NAV2: variants seen among roughly 807,000 people sequenced by gnomAD.
NAV2 encodes the protein neuron navigator 2, also known as helicase, APC down-regulated 1.
NAV2 carries 54 observed loss-of-function variants against 223.2 expected under a neutral mutation model. The ratio of observed to expected loss-of-function variants is 0.24; its 90% CI spans 0.19 to 0.30. The LOEUF is 0.30. NAV2 is among the 10% of genes least tolerant of loss of function. The pLI, the probability that NAV2 is intolerant of heterozygous loss-of-function variation, is 1.00. For missense variants in NAV2, 2,806 were observed against 3,147.5 expected (o/e 0.89, Z 2.60); for synonymous variants, 1,279 against 1,239.3 (o/e 1.03, Z -0.67).
At position 19,933,945 on chromosome 11, in the gene NAV2, A is replaced by T; in HGVS notation, c.1701A>T (p.Pro567=). 6.3e-7 allele frequency: 1 copy of T among 1,595,888 alleles called. No homozygotes were observed. The highest frequency in any genetic ancestry group is 8.5e-7 in the Non-Finnish European group (1 of 1,173,026). Residue 567 remains proline (P), a synonymous_variant, in exon 7 of 38, where the codon CCA becomes CCT. Coordinates refer to ENST00000349880, the MANE Select transcript of NAV2 (RefSeq NM_145117.5). This position sits in a 1 kb window ranked among gnomAD's most constrained non-coding sequence, Gnocchi z 4.3. ...MAPSHSGIPK[P]GMKSMPGKSP... ...CTTCCCACAGTGGAATACCAAAACC[A>T]GGAATGAAAAGCATGCCCGGGAAAT...
chr11:19,713,909 G>C lies in NAV2; in HGVS notation c.214G>C (p.Glu72Gln). ...VLQGLQEPAG[E>Q]GLPLRKSGSV... ...GCAGGGGCTGCAGGAGCCAGCGGGGGAGGGGCTCCCGCTGCGGAAGAGCGG... is the reference window on the plus strand; with the variant it reads ...GCAGGGGCTGCAGGAGCCAGCGGGGCAGGGGCTCCCGCTGCGGAAGAGCGG... The change falls in exon 1 of 38, where the codon GAG becomes CAG. Residue 72 changes from glutamate (E) to glutamine (Q), a missense_variant. Around this residue, in one of 4 missense-constraint regions of NAV2, gnomAD observed 1,167 missense variants for 1,180.5 expected, o/e 0.99. Transcript: ENST00000349880. The surrounding 1 kb of genome is among the most constrained non-coding windows in gnomAD (Gnocchi z 7.2). 6.2e-7 allele frequency: 1 copy of C among 1,613,654 alleles called. No homozygotes were observed. Among genetic ancestry groups the C allele is most frequent in the Non-Finnish European group, 8.5e-7 (1 of 1,179,996 alleles).
chr11:20,038,977 G>C (rs186434446), intron 12 of NAV2, among the ~76,000 whole-genome samples: 3 of 152,300 alleles, frequency 2.0e-5, no homozygotes, highest in Admixed American at 6.5e-5. Flanking sequence ...GCTATCACTG[G>C]GGACATTGAG....
rs149247036 is a variant in NAV2, at chr11:19,695,249, A to C, written c.76-137235A>C. Among the ~76,000 whole-genome samples the C allele has an allele frequency of 1.4e-3, 220 of 152,356 alleles. 1 individual carries two copies. Among genetic ancestry groups the C allele is most frequent in the African/African-American group, 5.1e-3 (213 of 41,592 alleles). On this transcript the variant is annotated intron_variant, in intron 1 of 37. Coordinates refer to the NAV2 transcript ENST00000360655. Reference sequence around the variant, plus strand: ...GGTCCAAAACATGACATAGTGGGAAAGATACAGACTTTGGAGTCTGCAATC... The same window carrying C: ...GGTCCAAAACATGACATAGTGGGAACGATACAGACTTTGGAGTCTGCAATC...
chr11:20,073,447 C>A (rs756375824), intron 22 of NAV2, among the ~76,000 whole-genome samples: 1 of 152,214 alleles, frequency 6.6e-6, no homozygotes, highest in Non-Finnish European at 1.5e-5. Flanking sequence ...ATGCTGGCCT[C>A]ATAAAATGAG....
chr11:19,469,365 G>A (rs1016617983), intron 1 of NAV2, among the ~76,000 whole-genome samples: 2 of 152,226 alleles, frequency 1.3e-5, no homozygotes, highest in Non-Finnish European at 2.9e-5. Context: ...GTGGAGAATA[G>A]CAAGGGGCTT....
rs549618111 is a variant in NAV2 at position 19,758,631 on chromosome 11, G to C, written c.267+44669G>C. Among the ~76,000 whole-genome samples the C allele has an allele frequency of 2.0e-5, 3 of 152,370 alleles. 1 individual carries two copies. Among genetic ancestry groups the C allele is most frequent in the African/African-American group, 7.2e-5 (3 of 41,594 alleles). On this transcript the variant is annotated intron_variant, in intron 1 of 37. Transcript: ENST00000349880. ...AGCTGAGCTGGTGGGCAGCCCCAGT[G>C]GTGGGTGAACTGAGCAGGTTGCAGG... is the stretch of plus-strand genomic sequence containing the variant.
At chr11:20,042,511 C>A (rs1039793925) in intron 12 of NAV2, among the ~76,000 whole-genome samples, 2 of 151,868 alleles carry the variant, frequency 1.3e-5, no homozygotes, top group Admixed American at 6.6e-5. Context: ...TGGAAAAAAA[C>A]AAATGAAAGA....
At chr11:19,583,390 C>T (rs1483672073) in intron 1 of NAV2, among the ~76,000 whole-genome samples, 17 of 152,112 alleles carry the variant, frequency 1.1e-4, no homozygotes, top group Admixed American at 1.1e-3. Context: ...GCCTGATTGC[C>T]CTGGCCAGAA....
At chr11:20,089,556 C>T (rs1204163233) in intron 26 of NAV2, among the ~76,000 whole-genome samples, 1 of 152,112 alleles carries the variant, frequency 6.6e-6, no homozygotes, top group African/African-American at 2.4e-5. Context: ...AGACCACATG[C>T]TCATCATCTC....
intron 11 of NAV2, among the ~76,000 whole-genome samples, chr11:20,004,636 G>T (rs182962491): frequency 1.3e-5 from 2 of 152,280 alleles, no homozygotes; most frequent in Admixed American, 1.3e-4. Flanking sequence ...CTCCCTCCCA[G>T]TGCCTTAGTG....
chr11:19,677,580 T>G (rs1444413376), intron 1 of NAV2, among the ~76,000 whole-genome samples: 1 of 152,226 alleles, frequency 6.6e-6, no homozygotes, highest in African/African-American at 2.4e-5. Flanking sequence ...TCCTAAAAAT[T>G]ATCTGTCCCA....
intron 11 of NAV2, among the ~76,000 whole-genome samples, chr11:20,026,532 G>C (rs983641316): frequency 6.6e-6 from 1 of 152,048 alleles, no homozygotes; most frequent in Admixed American, 6.6e-5. Flanking sequence ...GGATGGTCTC[G>C]ATCTCCTGAC....
At chr11:19,542,830 C>T (rs768942772) in intron 1 of NAV2, among the ~76,000 whole-genome samples, 44 of 152,308 alleles carry the variant, frequency 2.9e-4, no homozygotes, top group African/African-American at 4.8e-4. Context: ...CCAGGAGGTC[C>T]GCCTGACTCA....
Position 19,741,685 on chromosome 11 carries a change from GTGTA to G in NAV2, c.267+27725_267+27728del, listed in dbSNP as rs1458289264. On this transcript the variant is annotated intron_variant, in intron 1 of 37. Coordinates refer to ENST00000349880, the MANE Select transcript of NAV2 (RefSeq NM_145117.5). ...GTGTATGTATGTATCATGTGTGTGT[GTGTA>G]TATATATATATATATATATATATAT... 7.3e-3 allele frequency among the ~76,000 whole-genome samples: 961 copies of G among 131,356 alleles called. 6 individuals carry two copies. Among genetic ancestry groups the G allele is most frequent in the African/African-American group, 0.029 (899 of 31,260 alleles). 86.2% of individuals were successfully genotyped at this position (131,356 alleles called of 152,430 possible). A position where few individuals can be genotyped will look rare whatever the true frequency, so the allele number is the denominator to read the frequency against.
intron 1 of NAV2, among the ~76,000 whole-genome samples, chr11:19,603,295 A>T (rs900344565): frequency 3.9e-5 from 6 of 152,144 alleles, no homozygotes; most frequent in Non-Finnish European, 7.3e-5. Context: ...AGTTATAAAC[A>T]CCCACTATGT....
chr11:19,684,619 C>T (rs570036474), intron 1 of NAV2, among the ~76,000 whole-genome samples: 14 of 152,250 alleles, frequency 9.2e-5, no homozygotes, highest in South Asian at 4.2e-4. Flanking sequence ...TCCAAGGGCA[C>T]GGCCAAGGGC....
intron 1 of NAV2, among the ~76,000 whole-genome samples, chr11:19,781,673 C>A (rs1049962707): frequency 1.3e-5 from 2 of 151,978 alleles, no homozygotes; most frequent in African/African-American, 2.4e-5. Context: ...AGTTATATTG[C>A]TCCCTCCCAA....
At chr11:19,462,903 CT>C (rs1852215344) in intron 1 of NAV2, among the ~76,000 whole-genome samples, 1 of 152,218 alleles carries the variant, frequency 6.6e-6, no homozygotes, top group Non-Finnish European at 1.5e-5. Context: ...CCTATATCAG[CT>C]CTGTTTCCAG....
At chr11:19,394,103 C>A (rs1298538589) in intron 1 of NAV2, among the ~76,000 whole-genome samples, 1 of 152,074 alleles carries the variant, frequency 6.6e-6, no homozygotes, top group Non-Finnish European at 1.5e-5. Flanking sequence ...CTTCTGGAAG[C>A]TAAACTCTGA....
Sources: gnomAD v4.1 joint callset for allele counts (sites outside exome capture counted in the v4.1 genomes callset) on GRCh38, gnomAD v4.1.1 for gene constraint, gnomAD v4.1.1 regional missense constraint, Gnocchi (gnomAD v3.1) non-coding constraint, MANE v1.5 for transcripts, NCBI Gene and HGNC (gene_info 2026-07-23, HGNC 2026-07-21) for gene names.